TOE1: variants seen among roughly 807,000 people sequenced by gnomAD.
TOE1 encodes the protein target of EGR1 protein 1.
Under a neutral mutation model 49.2 loss-of-function variants are expected in TOE1, and 50 were observed. The ratio of observed to expected loss-of-function variants is 1.02; its 90% confidence interval spans 0.81 to 1.29. The LOEUF (loss-of-function observed/expected upper bound fraction) is 1.29, where lower values mean the gene tolerates loss of function less well. Ranked by LOEUF, TOE1 falls within the 50% of genes most tolerant of loss-of-function variation. The pLI is 0.00. For missense variants in TOE1, 544 were observed against 654.4 expected (o/e 0.83, Z 1.84); for synonymous variants, 221 against 247.0 (o/e 0.89, Z 0.99).
chr1:45,342,668 G>A, intron 6 of TOE1, 25 bp downstream of exon 6: 1 of 1,611,536 alleles, frequency 6.2e-7, no homozygotes, highest in Non-Finnish European at 8.5e-7. Context: ...GAGGGAAAGG[G>A]GTGGGGCCTG....
At chr1:45,340,986 T>C in intron 1 of TOE1, 87 bp from the exon 2 acceptor site, 1 of 1,581,910 alleles carries the variant, frequency 6.3e-7, no homozygotes, top group South Asian at 1.1e-5. Flanking sequence ...CTACCCCCCT[T>C]ACCACCATCA....
chr1:45,340,516 G>A (rs745376256), intron 1 of TOE1: 1 of 1,429,170 alleles, frequency 7.0e-7, no homozygotes, highest in Non-Finnish European at 9.1e-7. Flanking sequence ...GAGGCATGGC[G>A]GGAGATGTAG....
Position 45,340,233 on chromosome 1 carries a change from G to C in TOE1, c.-20G>C, listed in dbSNP as rs753502884. 3 of 1,613,852 alleles carry C rather than the reference G, an allele frequency of 1.9e-6. No homozygotes were observed. The South Asian group carries it at 3.3e-5, about 18-fold the overall frequency. ...GTCCAGCGTACCCACAGACGACTCA[G>C]GCGGGAGACGAGCGGTGTCATGGCC... On this transcript the variant is annotated 5_prime_UTR_variant, in exon 1 of 8. Coordinates refer to ENST00000372090, the MANE Select transcript of TOE1 (RefSeq NM_025077.4).
intron 6 of TOE1, 38 bp from the exon 7 acceptor site, chr1:45,342,805 A>C (rs1290280984): frequency 6.2e-7 from 1 of 1,613,506 alleles, no homozygotes; most frequent in Admixed American, 1.7e-5. Flanking sequence ...TATGGAGCTT[A>C]TATGCTAGTG....
In TOE1 at chr1:45,343,558, C is replaced by T; in HGVS notation, c.1389C>T (p.Cys463=). The T allele has an allele frequency of 6.2e-7, 1 of 1,614,064 alleles. No individual in the cohort carries two copies. The highest frequency in any genetic ancestry group is 8.5e-7 in the Non-Finnish European group (1 of 1,180,026). The change falls in exon 8 of 8, where the codon TGC becomes TGT. Residue 463 remains cysteine (C), a synonymous_variant. Transcript: ENST00000372090. This position sits in a 1 kb window ranked among gnomAD's most constrained non-coding sequence, Gnocchi z 4.3. The part of the protein sequence containing the change: ...YVEVSQGPQP[C]SSGPWLPECH... ...AAGTGAGCCAGGGACCGCAGCCCTG[C>T]AGCTCTGGACCCTGGCTCCCTGAAT...
chr1:45,343,748 C>A lies in TOE1; in HGVS notation c.*46C>A. The A allele has an allele frequency of 1.3e-6, 2 of 1,561,390 alleles. No individual in the cohort carries two copies. The highest frequency in any genetic ancestry group is 2.4e-5 in the South Asian group (2 of 82,868). ...CAGGTGGAACAGAGGTATTTTGGGT[C>A]TCTCTAGCCTGAAATGTCATCCTCA... On this transcript the variant is annotated 3_prime_UTR_variant, in exon 8 of 8. Coordinates refer to ENST00000372090, the MANE Select transcript of TOE1 (RefSeq NM_025077.4). This position sits in a 1 kb window ranked among gnomAD's most constrained non-coding sequence, Gnocchi z 4.3.
Position 45,341,155 on chromosome 1 carries a change from G to A in TOE1, c.135G>A (p.Lys45=), listed in dbSNP as rs1284567721. The change falls in exon 2 of 8, where the codon AAG becomes AAA. Residue 45 remains lysine, a synonymous_variant. Transcript: ENST00000372090. Reference sequence around the variant, plus strand: ...TGGATGTGCAAAGCAACAACTTCAAGGAGATGTGGCCATCCCTCCTGCTAG... The same window carrying A: ...TGGATGTGCAAAGCAACAACTTCAAAGAGATGTGGCCATCCCTCCTGCTAG... ...PVVDVQSNNF[K]EMWPSLLLAI... The A allele has an allele frequency of 1.9e-6, 3 of 1,614,092 alleles. No homozygotes were observed. The highest frequency in any genetic ancestry group is 2.2e-5 in the East Asian group (1 of 44,900).
At chr1:45,342,149 T>C in intron 5 of TOE1, 42 bp downstream of exon 5, 1 of 1,606,640 alleles carries the variant, frequency 6.2e-7, no homozygotes, top group Non-Finnish European at 8.5e-7. Context: ...GCCCTTTCTG[T>C]GACTTTATTT....
rs1381549110 is a variant in TOE1, at chr1:45,343,330, T to G, written c.1161T>G (p.Asp387Glu). The G allele has an allele frequency of 1.9e-6, 3 of 1,613,868 alleles. No homozygotes were observed. ...PEETEQEVAA[D>E]ETRNLPHSKQ... ...AAACCGAGCAGGAGGTGGCTGCCGA[T>G]GAAACTAGGAACCTGCCTCACTCCA... Residue 387 changes from aspartate (D) to glutamate (E), a missense_variant, in exon 8 of 8, where the codon GAT (aspartate) becomes GAG (glutamate). Asp to Glu is a conservative substitution (Grantham distance 45). Transcript: ENST00000372090. This position sits in a 1 kb window ranked among gnomAD's most constrained non-coding sequence, Gnocchi z 4.3.
chr1:45,342,398 G>A lies in TOE1; in HGVS notation c.507G>A (p.Gln169=), dbSNP rs1647050996. ...HKGNDKGDES[Q]SQSVRTLFLE... ...CTTTCATCTAGGGTGATGAGAGCCA[G>A]AGCCAGTCAGTACGGACCCTATTCC... The change falls in exon 6 of 8, where the codon CAG becomes CAA. Residue 169 remains glutamine, a synonymous_variant. Transcript: ENST00000372090. 2.5e-6 allele frequency: 4 copies of A among 1,613,958 alleles called. No homozygotes were observed. Among genetic ancestry groups the A allele is most frequent in the Non-Finnish European group, 3.4e-6 (4 of 1,180,020 alleles).
Position 45,341,962 on chromosome 1 carries a change from A to G in TOE1, c.347A>G (p.Tyr116Cys), listed in dbSNP as rs774908824. 2.5e-6 allele frequency: 4 copies of G among 1,614,000 alleles called. No homozygotes were observed. The highest frequency in any genetic ancestry group is 3.4e-6 in the Non-Finnish European group (4 of 1,179,910). The change falls in exon 5 of 8, where the codon TAT (tyrosine) becomes TGT (cysteine). Residue 116 changes from tyrosine (Y) to cysteine (C), a missense_variant. Transcript: ENST00000372090. ...TCTTTCTCCCAGGGTGAACATTCCT[A>G]TCTGGCTCAAGTGTTCAATCTCACT... ...KRQPDKGEHSYLAQVFNLTLL... is the reference protein window; with the variant it reads ...KRQPDKGEHSCLAQVFNLTLL...
At position 45,342,008 on chromosome 1, in the gene TOE1, T is replaced by G. The variant is rs761803290; in HGVS notation, c.393T>G (p.Tyr131Ter). ...TCACTCTGCTGTGCATGGAGGAGTA[T>G]GTCATAGAACCAAAGTCTGTGCAGT... ...FNLTLLCMEEYVIEPKSVQFL... is the reference protein window; with the variant it reads ...FNLTLLCMEE Residue 131 changes from tyrosine (Y) to a stop codon, truncating the protein, a stop_gained, in exon 5 of 8, where the codon TAT (tyrosine) becomes TAG (stop). Transcript: ENST00000372090. LOFTEE classifies it high-confidence loss of function. 1 of 1,614,054 alleles carries G rather than the reference T, an allele frequency of 6.2e-7. No homozygotes were observed. The highest frequency in any genetic ancestry group is 1.7e-5 in the Admixed American group (1 of 60,012).
Position 45,343,081 on chromosome 1 carries a change from G to A in TOE1, c.913-1G>A. ...TTTCTAAGCCTCTTTCCCACCCCTA[G>A]GCTTATGGCTGGTGCCCCCTGGGAC... On this transcript the variant is annotated splice_acceptor_variant, in intron 7 of 7. Transcript: ENST00000372090. LOFTEE classifies it high-confidence loss of function. This position sits in a 1 kb window ranked among gnomAD's most constrained non-coding sequence, Gnocchi z 4.3. The A allele has an allele frequency of 6.2e-7, 1 of 1,613,540 alleles. No individual in the cohort carries two copies. Among genetic ancestry groups the A allele is most frequent in the East Asian group, 2.2e-5 (1 of 44,860 alleles).
At position 45,341,463 on chromosome 1, in the gene TOE1, C is replaced by T. The variant is rs771891963; in HGVS notation, c.237-10C>T. On this transcript the variant is annotated splice_polypyrimidine_tract_variant and intron_variant, in intron 3 of 7. Coordinates refer to ENST00000372090, the MANE Select transcript of TOE1 (RefSeq NM_025077.4). ...TCCTAGCCACAGCAACCCCCATACC[C>T]AACCCCAAGGTGCATTGAGGAACGT... is the stretch of plus-strand genomic sequence containing the variant. 1.9e-6 allele frequency: 3 copies of T among 1,614,036 alleles called. No individual in the cohort carries two copies. The East Asian group carries it at 6.7e-5, about 36-fold the overall frequency.
chr1:45,340,680 C>T (rs1646886791), intron 1 of TOE1: 3 of 950,476 alleles, frequency 3.2e-6, no homozygotes, highest in Non-Finnish European at 4.3e-6. Context: ...GCTTGTGGCG[C>T]TGGGGCACCA....
intron 4 of TOE1, 106 bp downstream of exon 4, chr1:45,341,675 T>A: frequency 8.8e-7 from 1 of 1,137,324 alleles, no homozygotes; most frequent in Non-Finnish European, 1.2e-6. Context: ...ATCTTTTTTT[T>A]TGACTTGATA....
At position 45,342,939 on chromosome 1, in the gene TOE1, C is replaced by T. The variant is rs1418748870; in HGVS notation, c.849C>T (p.Tyr283=). 6.2e-7 allele frequency: 1 copy of T among 1,613,912 alleles called. No homozygotes were observed. The highest frequency in any genetic ancestry group is 8.5e-7 in the Non-Finnish European group (1 of 1,180,004). The change falls in exon 7 of 8, where the codon TAC becomes TAT. Residue 283 remains tyrosine, a synonymous_variant. Transcript: ENST00000372090. ...CCAGCATGAGGGACCATATTGATTA[C>T]CGCTGCTGCCTGCCCCCAGCAACCC... ...YPSSMRDHID[Y]RCCLPPATHR... is the part of the protein sequence containing the mutation.
chr1:45,342,054 A>C lies in TOE1; in HGVS notation c.439A>C (p.Asn147His), dbSNP rs1647027117. ...GCAGTTCCTGATACAGCATGGCTTC[A>C]ACTTCAACCAGCAGTATGCCCAAGG... ...SVQFLIQHGFNFNQQYAQGIP... is the reference protein window; with the variant it reads ...SVQFLIQHGFHFNQQYAQGIP... Residue 147 changes from asparagine (N) to histidine (H), a missense_variant, in exon 5 of 8, where the codon AAC becomes CAC. Transcript: ENST00000372090. The C allele has an allele frequency of 6.2e-7, 1 of 1,613,938 alleles. No homozygotes were observed. The highest frequency in any genetic ancestry group is 1.3e-5 in the African/African-American group (1 of 74,926).
At position 45,343,310 on chromosome 1, in the gene TOE1, G is replaced by A. The variant is rs61323219; in HGVS notation, c.1141G>A (p.Glu381Lys). Residue 381 changes from glutamate to lysine, a missense_variant, in exon 8 of 8, where the codon GAG (glutamate) becomes AAG (lysine). Physicochemically the swap from Glu to Lys is moderately conservative, Grantham distance 56 (BLOSUM62 1). Coordinates refer to ENST00000372090, the MANE Select transcript of TOE1 (RefSeq NM_025077.4). This position sits in a 1 kb window ranked among gnomAD's most constrained non-coding sequence, Gnocchi z 4.3. ...GGATAGCATCAAGCCTGAAGAAACC[G>A]AGCAGGAGGTGGCTGCCGATGAAAC... Reference protein sequence around the residue: ...CGDSIKPEETEQEVAADETRN... With the variant: ...CGDSIKPEETKQEVAADETRN... 2,187 of 1,613,944 alleles carry A rather than the reference G, an allele frequency of 1.4e-3. 20 individuals carry two copies. The African/African-American group carries it at 0.024, about 18-fold the overall frequency.
Sources: allele counts gnomAD v4.1 joint callset, GRCh38; gene constraint gnomAD v4.1.1; non-coding constraint Gnocchi (gnomAD v3.1); transcripts MANE v1.5; gene names NCBI Gene and HGNC (gene_info 2026-07-23, HGNC 2026-07-21).